TNR: variants seen among roughly 807,000 people sequenced by gnomAD.
The protein encoded by TNR is tenascin-R.
In TNR, 45 loss-of-function variants were observed where a neutral mutation model predicts 150.4. The ratio of observed to expected loss-of-function variants is 0.30; its 90% CI spans 0.24 to 0.38. TNR has a LOEUF of 0.38. Among genes scored for constraint, TNR ranks in the 10% least tolerant of loss-of-function variants. TNR has a pLI of 1.00. For synonymous variants in TNR, 687 were observed against 678.4 expected, an observed-to-expected ratio of 1.01 and a Z score of -0.20; for missense variants, 1,544 against 1,759.1, an observed-to-expected ratio of 0.88 and a Z score of 2.19.
intron 2 of TNR, among the ~76,000 whole-genome samples, chr1:175,451,623 G>A (rs1656325841): frequency 6.6e-6 from 1 of 152,172 alleles, no homozygotes; most frequent in Non-Finnish European, 1.5e-5. Flanking sequence ...CGTCCCAGAG[G>A]AGCAGACATG....
chr1:175,446,928 T>C lies in TNR; in HGVS notation c.-63-40151A>G, dbSNP rs115450431. Among the ~76,000 whole-genome samples, 981 of 152,328 alleles carry C rather than the reference T, an allele frequency of 6.4e-3. 8 individuals are homozygous for C. The highest frequency in any genetic ancestry group is 0.022 in the African/African-American group (921 of 41,570). On this transcript the variant is annotated intron_variant, in intron 2 of 22. Transcript: ENST00000367674. ...AATGGGCATGCATGTATGTGTGTTGTATGCATGTGTGTTATATGTATGTGC... is the reference window on the plus strand; with the variant it reads ...AATGGGCATGCATGTATGTGTGTTGCATGCATGTGTGTTATATGTATGTGC...
intron 12 of TNR, among the ~76,000 whole-genome samples, chr1:175,364,771 C>A (rs189732543): frequency 6.6e-6 from 1 of 152,290 alleles, no homozygotes; most frequent in African/African-American, 2.4e-5. Flanking sequence ...CAAATGCATT[C>A]AAGCTTTGAC....
chr1:175,494,958 A>G (rs923920509), intron 2 of TNR, among the ~76,000 whole-genome samples: 3 of 152,216 alleles, frequency 2.0e-5, no homozygotes, highest in African/African-American at 7.2e-5. Context: ...CGGGTCGGTC[A>G]TGGTCCTCTA....
At chr1:175,356,182 G>T in intron 16 of TNR, 137 bp downstream of exon 16, 2 of 1,220,608 alleles carry the variant, frequency 1.6e-6, no homozygotes, top group Non-Finnish European at 2.3e-6. Flanking sequence ...AATTTGGGCT[G>T]TAGTCAGTCC....
chr1:175,734,898 A>G (rs1667730643), intron 1 of TNR, among the ~76,000 whole-genome samples: 2 of 152,232 alleles, frequency 1.3e-5, no homozygotes, highest in South Asian at 4.1e-4. Context: ...TCTCATTTGC[A>G]GAAAGACAGG....
intron 2 of TNR, among the ~76,000 whole-genome samples, chr1:175,520,381 A>G (rs2102168909): frequency 6.6e-6 from 1 of 152,340 alleles, no homozygotes; most frequent in South Asian, 2.1e-4. Context: ...GTTGTTCTGC[A>G]CTGGGGCTGA....
intron 2 of TNR, among the ~76,000 whole-genome samples, chr1:175,451,752 G>C (rs1235623823): frequency 6.6e-6 from 1 of 152,208 alleles, no homozygotes; most frequent in African/African-American, 2.4e-5. Context: ...AGCTCTTACT[G>C]ATGAAAGAGA....
chr1:175,438,832 T>C (rs994346156), intron 2 of TNR, among the ~76,000 whole-genome samples: 2 of 152,146 alleles, frequency 1.3e-5, no homozygotes, highest in African/African-American at 4.8e-5. Context: ...GTGAAGGACT[T>C]CTTCAAGGAG....
chr1:175,500,924 T>C (rs956516105), intron 2 of TNR, among the ~76,000 whole-genome samples: 1 of 152,162 alleles, frequency 6.6e-6, no homozygotes, highest in Non-Finnish European at 1.5e-5. Context: ...CCAGGCAGAA[T>C]GGCAATGGGC....
chr1:175,568,631 C>A lies in TNR; in HGVS notation c.-164-40262G>T, dbSNP rs78940274. Among the ~76,000 whole-genome samples, 1,469 of 152,252 alleles carry A rather than the reference C, an allele frequency of 9.6e-3. 23 individuals carry two copies. Among genetic ancestry groups the A allele is most frequent in the African/African-American group, 0.034 (1,403 of 41,542 alleles). On this transcript the variant is annotated intron_variant, in intron 1 of 22. Coordinates refer to ENST00000367674, the MANE Select transcript of TNR (RefSeq NM_003285.3). ...CCTGTTATCTCGTGTATCCAGTCCT[C>A]GGCCTCCCATCCAATCCTGGATCAA... is the stretch of plus-strand genomic sequence containing the variant.
At chr1:175,356,677 A>G (rs940578972) in intron 15 of TNR, among the ~76,000 whole-genome samples, 45 of 152,138 alleles carry the variant, frequency 3.0e-4, no homozygotes, top group African/African-American at 1.0e-3. Context: ...TGCAGGTCAA[A>G]TTGTCTTCTC....
chr1:175,568,384 G>A (rs1661726908), intron 1 of TNR, among the ~76,000 whole-genome samples: 1 of 151,856 alleles, frequency 6.6e-6, no homozygotes, highest in Admixed American at 6.6e-5. Flanking sequence ...TCGGGCCCAT[G>A]AAACAAGCTT....
intron 12 of TNR, 85 bp downstream of exon 12, chr1:175,364,925 C>T: frequency 1.3e-6 from 2 of 1,488,810 alleles, no homozygotes; most frequent in South Asian, 2.7e-5. Context: ...CTCCTTGGGT[C>T]TTTCTCTTTT....
At chr1:175,517,383 G>C (rs1324107460) in intron 2 of TNR, among the ~76,000 whole-genome samples, 2 of 152,164 alleles carry the variant, frequency 1.3e-5, no homozygotes, top group Non-Finnish European at 2.9e-5. Flanking sequence ...TGGAGGAATA[G>C]GCAGGTGGAG....
At chr1:175,415,715 G>A (rs1231971061) in intron 2 of TNR, among the ~76,000 whole-genome samples, 1 of 152,182 alleles carries the variant, frequency 6.6e-6, no homozygotes, top group African/African-American at 2.4e-5. Flanking sequence ...GTTCTGCCTT[G>A]TACTACCTGG....
chr1:175,593,747 A>T (rs1054521560), intron 1 of TNR, among the ~76,000 whole-genome samples: 18 of 152,112 alleles, frequency 1.2e-4, no homozygotes, highest in African/African-American at 4.3e-4. Context: ...CACAGAGAAG[A>T]TGTTGTGGGT....
chr1:175,403,140 C>T lies in TNR; in HGVS notation c.976G>A (p.Val326Ile). ...EGYQGPDCSAVAPPEDLRVAG... is the reference protein window; with the variant it reads ...EGYQGPDCSAIAPPEDLRVAG... ...CACCCCAGAGAGTTCCCCTGCCTAC[C>T]TGCTGAGCAGTCAGGGCCCTGGTAG... is the stretch of plus-strand genomic sequence containing the variant. The change falls in exon 4 of 23, where the codon GTT (valine) becomes ATT (isoleucine). Residue 326 changes from valine to isoleucine, a missense_variant and splice_region_variant. Val to Ile is a conservative substitution (Grantham distance 29, BLOSUM62 3). Transcript: ENST00000367674. The T allele has an allele frequency of 6.2e-7, 1 of 1,607,204 alleles. No individual in the cohort carries two copies. The highest frequency in any genetic ancestry group is 8.5e-7 in the Non-Finnish European group (1 of 1,174,622).
intron 1 of TNR, among the ~76,000 whole-genome samples, chr1:175,632,929 C>A (rs1664376790): frequency 6.6e-6 from 1 of 152,150 alleles, no homozygotes; most frequent in South Asian, 2.1e-4. Flanking sequence ...TGTCTCTTCC[C>A]CTAAAGGAAC....
chr1:175,383,459 T>C (rs1411218940), intron 8 of TNR, among the ~76,000 whole-genome samples: 4 of 152,182 alleles, frequency 2.6e-5, no homozygotes, highest in Admixed American at 6.5e-5. Context: ...TGAGGGCAAC[T>C]GAAACCAGAG....
Sources: gnomAD v4.1 joint callset for allele counts (sites outside exome capture counted in the v4.1 genomes callset) on GRCh38, gnomAD v4.1.1 for gene constraint, MANE v1.5 for transcripts, NCBI Gene and HGNC (gene_info 2026-07-23, HGNC 2026-07-21) for gene names.